The following ERLEC1 variants were observed in gnomAD, a reference collection of about 807,000 sequenced individuals.
ERLEC1 encodes endoplasmic reticulum lectin 1.
A neutral mutation model predicts 68.0 loss-of-function variants in ERLEC1; 47 were observed. The observed-to-expected ratio is 0.69, with a 90% confidence interval of 0.55 to 0.88. The LOEUF is 0.88. Ranked by LOEUF, ERLEC1 falls within the 40% of genes least tolerant of loss-of-function variation. The pLI, the probability that ERLEC1 is intolerant of heterozygous loss-of-function variation, is 0.00. For missense variants in ERLEC1, 567 were observed against 583.8 expected, an observed-to-expected ratio of 0.97 and a Z score of 0.30; for synonymous variants, 225 against 203.2, an observed-to-expected ratio of 1.11 and a Z score of -0.91.
At chr2:53,815,017 G>GT (rs1676801990) in intron 13 of ERLEC1, 82 bp downstream of exon 13, 25 of 457,844 alleles carry the variant, frequency 5.5e-5, no homozygotes, top group Admixed American at 5.2e-4. Flanking sequence ...TTTTTTTTTT[G>GT]TTTTTTTGAG....
intron 10 of ERLEC1, among the ~76,000 whole-genome samples, chr2:53,810,803 A>G (rs1676553360): frequency 6.6e-6 from 1 of 152,144 alleles, no homozygotes; most frequent in South Asian, 2.1e-4. Flanking sequence ...GAGAGGTTTC[A>G]TTTAAGTATT....
chr2:53,793,058 T>C (rs1011650271), intron 1 of ERLEC1, among the ~76,000 whole-genome samples: 1 of 151,542 alleles, frequency 6.6e-6, no homozygotes, highest in African/African-American at 2.4e-5. Context: ...AGGTCCTTAA[T>C]AAGAAGAGGT....
At chr2:53,808,539 T>C (rs1676422352) in intron 9 of ERLEC1, 79 bp downstream of exon 9, 1 of 1,409,672 alleles carries the variant, frequency 7.1e-7, no homozygotes, top group Non-Finnish European at 9.7e-7. Flanking sequence ...TCAGCAGCAC[T>C]GAAAAGAATT....
chr2:53,800,152 A>C (rs1289185556), intron 6 of ERLEC1, among the ~76,000 whole-genome samples: 1 of 152,162 alleles, frequency 6.6e-6, no homozygotes, highest in African/African-American at 2.4e-5. Flanking sequence ...TGCAAACATA[A>C]TAGAGTGTAC....
At chr2:53,802,888 C>G (rs1394711328) in intron 8 of ERLEC1, among the ~76,000 whole-genome samples, 2 of 152,192 alleles carry the variant, frequency 1.3e-5, no homozygotes, top group Admixed American at 1.3e-4. Flanking sequence ...TGCACCACCT[C>G]ACCCAGCCCT....
chr2:53,816,626 A>G (rs1454891781), intron 13 of ERLEC1, among the ~76,000 whole-genome samples: 1 of 152,048 alleles, frequency 6.6e-6, no homozygotes, highest in African/African-American at 2.4e-5. Context: ...ATGAAATTCA[A>G]TTTATCATTT....
intron 8 of ERLEC1, among the ~76,000 whole-genome samples, chr2:53,802,105 A>G (rs985117485): frequency 2.0e-5 from 3 of 152,104 alleles, no homozygotes; most frequent in East Asian, 1.9e-4. Flanking sequence ...ATTTTTAGGT[A>G]TTTGTCCCAG....
At chr2:53,797,850 T>A in intron 5 of ERLEC1, 55 bp downstream of exon 5, 1 of 1,412,580 alleles carries the variant, frequency 7.1e-7, no homozygotes, top group Non-Finnish European at 9.9e-7. Context: ...TTAAAATATA[T>A]GTTCAAAATG....
At chr2:53,792,511 G>A (rs1018561338) in intron 1 of ERLEC1, among the ~76,000 whole-genome samples, 3 of 152,170 alleles carry the variant, frequency 2.0e-5, no homozygotes, top group Non-Finnish European at 2.9e-5. Flanking sequence ...AGCCCTGGGC[G>A]TTAGTGTCTG....
At chr2:53,798,961 T>C in intron 5 of ERLEC1, 86 bp from the exon 6 acceptor site, 1 of 1,128,162 alleles carries the variant, frequency 8.9e-7, no homozygotes, top group Non-Finnish European at 1.3e-6. Context: ...GAAAGAAGAT[T>C]AAGGTTACAA....
rs781189717 is a variant in ERLEC1, at chr2:53,787,346, A to C, written c.136A>C (p.Asn46His). 4.3e-6 allele frequency: 7 copies of C among 1,611,896 alleles called. No homozygotes were observed. In the East Asian group the frequency reaches 1.6e-4, roughly 36 times the overall value. The change falls in exon 1 of 14, where the codon AAC (asparagine) becomes CAC (histidine). Residue 46 changes from asparagine (N) to histidine (H), a missense_variant. Physicochemically the swap from Asn to His is moderately conservative, Grantham distance 68. Coordinates refer to ENST00000185150, the MANE Select transcript of ERLEC1 (RefSeq NM_015701.5). Reference sequence around the variant, plus strand: ...CAGCGATGACATCCCTTTCCGAGTCAACTGGCCCGGCACCGAGTTCTCTCT... The same window carrying C: ...CAGCGATGACATCCCTTTCCGAGTCCACTGGCCCGGCACCGAGTTCTCTCT... Reference protein sequence around the residue: ...QLSDDIPFRVNWPGTEFSLPT... With the variant: ...QLSDDIPFRVHWPGTEFSLPT...
Position 53,808,415 on chromosome 2 carries a change from C to A in ERLEC1, c.996C>A (p.Asp332Glu), listed in dbSNP as rs149968735. 13 of 1,614,138 alleles carry A rather than the reference C, an allele frequency of 8.1e-6. No individual in the cohort carries two copies. The highest frequency in any genetic ancestry group is 1.7e-5 in the Admixed American group (1 of 60,016). The change falls in exon 9 of 14, where the codon GAC (aspartate) becomes GAA (glutamate). Residue 332 changes from aspartate (D) to glutamate (E), a missense_variant. Coordinates refer to ENST00000185150, the MANE Select transcript of ERLEC1 (RefSeq NM_015701.5). ...GTTHISKLTD[D>E]QLIKEFLSGS... ...CCCACATATCCAAATTGACAGATGA[C>A]CAACTCATAAAAGAGTTTCTTAGTG... is the stretch of plus-strand genomic sequence containing the variant.
At chr2:53,816,931 G>C (rs577529497) in intron 13 of ERLEC1, among the ~76,000 whole-genome samples, 13 of 152,156 alleles carry the variant, frequency 8.5e-5, no homozygotes, top group South Asian at 8.3e-4. Flanking sequence ...AGACATGTTA[G>C]TATAAAATTG....
chr2:53,797,419 A>C lies in ERLEC1; in HGVS notation c.349-96A>C, dbSNP rs1675772033. 4.8e-6 allele frequency: 4 copies of C among 830,552 alleles called. No homozygotes were observed. The South Asian group carries it at 7.8e-5, about 16-fold the overall frequency. The allele number at this position is 830,552 out of a possible 1,614,324, so 51.4% of individuals were successfully genotyped here. ...TGTCATTTAATGAAAGCTTACTCTG[A>C]AATCTTAGGGGAAGTCTCAGCTGCT... On this transcript the variant is annotated intron_variant, in intron 3 of 13. Transcript: ENST00000185150.
At chr2:53,809,661 G>C (rs78884046) in intron 10 of ERLEC1, among the ~76,000 whole-genome samples, 5,045 of 152,194 alleles carry the variant, frequency 0.033, 143 homozygotes, top group Non-Finnish European at 0.05. Context: ...AAGGTGGCAG[G>C]ATCATTTGAG....
intron 10 of ERLEC1, among the ~76,000 whole-genome samples, chr2:53,812,204 C>T (rs543741556): frequency 3.7e-4 from 56 of 152,230 alleles, no homozygotes; most frequent in Non-Finnish European, 6.2e-4. Flanking sequence ...TGTGAGCCTC[C>T]GCGCCCCAGC....
At chr2:53,799,440 A>G (rs1675890934) in intron 6 of ERLEC1, among the ~76,000 whole-genome samples, 1 of 152,160 alleles carries the variant, frequency 6.6e-6, no homozygotes, top group South Asian at 2.1e-4. Context: ...GGTAAACTAT[A>G]ATGTAAATAA....
chr2:53,818,476 T>TA lies in ERLEC1; in HGVS notation c.*510dup, dbSNP rs1414816691. ...ATAGCAACTGCTCTCTGCAAGTAGT[T>TA]AAACTAGAAACTGGGCACATGGTAG... On this transcript the variant is annotated 3_prime_UTR_variant, in exon 14 of 14. Transcript: ENST00000185150. The TA allele has an allele frequency of 2.4e-4, 36 of 152,368 alleles. No homozygotes were observed. Among genetic ancestry groups the TA allele is most frequent in the African/African-American group, 7.7e-4 (32 of 41,474 alleles). The allele number at this position is 152,368 out of a possible 1,614,324, so 9.4% of individuals were successfully genotyped here.
chr2:53,801,332 T>A, intron 6 of ERLEC1, 65 bp from the exon 7 acceptor site: 1 of 1,178,474 alleles, frequency 8.5e-7, no homozygotes, highest in Non-Finnish European at 1.2e-6. Context: ...AATAAGTTCC[T>A]CTCCCACCCC....
Sources: allele counts gnomAD v4.1 joint callset (sites outside exome capture counted in the v4.1 genomes callset), GRCh38; gene constraint gnomAD v4.1.1; transcripts MANE v1.5; gene names NCBI Gene and HGNC (gene_info 2026-07-23, HGNC 2026-07-21).